The following HMCN2 variants were observed in gnomAD, a reference collection of about 807,000 sequenced individuals.
HMCN2 encodes hemicentin 2.
HMCN2 carries 325 observed loss-of-function variants against 377.5 expected under a neutral mutation model. That is an observed-to-expected ratio of 0.86 (90% confidence interval 0.79 to 0.94). The LOEUF is 0.94. Ranked by LOEUF, HMCN2 falls within the 40% of genes least tolerant of loss-of-function variation. The pLI is 0.00. For missense variants in HMCN2, 4,543 were observed against 4,725.3 expected, an observed-to-expected ratio of 0.96 and a Z score of 1.13; for synonymous variants, 2,007 against 2,046.8, an observed-to-expected ratio of 0.98 and a Z score of 0.53.
At chr9:130,329,187 C>T (rs1244819746) in intron 22 of HMCN2, among the ~76,000 whole-genome samples, 1 of 152,206 alleles carries the variant, frequency 6.6e-6, no homozygotes. Context: ...CAGCCCCTGA[C>T]AGCCACTGAT....
At chr9:130,358,564 T>G (rs1461857089) in intron 36 of HMCN2, 78 bp downstream of exon 36, 1 of 1,265,038 alleles carries the variant, frequency 7.9e-7, no homozygotes, top group Admixed American at 2.3e-5. Flanking sequence ...CTGAAGTGTG[T>G]GGCGAGGGAG....
Position 130,308,322 on chromosome 9 carries a change from C to A in HMCN2, c.2200+756C>A, listed in dbSNP as rs553387167. ...GTGCTTGGCATTCTTAGTGATAGTG[C>A]CGACGATAATGTGATTATCTGAAAA... On this transcript the variant is annotated intron_variant, in intron 14 of 97. Coordinates refer to ENST00000683500, the MANE Select transcript of HMCN2 (RefSeq NM_001291815.2). This position sits in a 1 kb window ranked among gnomAD's most constrained non-coding sequence, Gnocchi z 4.1. 4.6e-5 allele frequency among the ~76,000 whole-genome samples: 7 copies of A among 152,276 alleles called. No individual in the cohort carries two copies. The highest frequency in any genetic ancestry group is 1.3e-4 in the Admixed American group (2 of 15,298).
Position 130,393,151 on chromosome 9 carries a change from T to G in HMCN2, c.10137-61T>G. ...AGCCTCTCCTGTCTCTCTCCCTTTC[T>G]CTTCCTCTCTCTCTCTCCCTTTCTC... On this transcript the variant is annotated intron_variant, in intron 66 of 97. Coordinates refer to ENST00000683500, the MANE Select transcript of HMCN2 (RefSeq NM_001291815.2). The surrounding 1 kb of genome is among the most constrained non-coding windows in gnomAD (Gnocchi z 5.2). 1.0e-6 allele frequency: 1 copy of G among 952,526 alleles called. No individual in the cohort carries two copies. The highest frequency in any genetic ancestry group is 1.3e-6 in the Non-Finnish European group (1 of 797,898). The allele number at this position is 952,526 out of a possible 1,614,324, so 59.0% of individuals were successfully genotyped here. A position where few individuals can be genotyped will look rare whatever the true frequency, so the allele number is the denominator to read the frequency against.
chr9:130,401,537 G>C (rs966506962), intron 77 of HMCN2, among the ~76,000 whole-genome samples: 7 of 152,044 alleles, frequency 4.6e-5, no homozygotes, highest in African/African-American at 1.7e-4. Flanking sequence ...TGGCCAGGCT[G>C]GTCTTGAACT....
In HMCN2 at chr9:130,391,582, G is replaced by T; in HGVS notation, c.9952+8G>T. On this transcript the variant is annotated splice_region_variant and intron_variant, in intron 65 of 97. Transcript: ENST00000683500. Reference sequence around the variant, plus strand: ...ACACGGTGAATGTGCTGGGTGAGGAGCCCCAGGGCATCTGGAGGGTGATGC... The same window carrying T: ...ACACGGTGAATGTGCTGGGTGAGGATCCCCAGGGCATCTGGAGGGTGATGC... 1 of 986,814 alleles carries T rather than the reference G, an allele frequency of 1.0e-6. No homozygotes were observed. The highest frequency in any genetic ancestry group is 1.2e-6 in the Non-Finnish European group (1 of 830,142). 61.1% of individuals were successfully genotyped at this position (986,814 alleles called of 1,614,324 possible). A position where few individuals can be genotyped will look rare whatever the true frequency, so the allele number is the denominator to read the frequency against.
chr9:130,350,378 C>CAAAAAAAAAAAAAAAA (rs1448443171), intron 29 of HMCN2, among the ~76,000 whole-genome samples: 4 of 74,722 alleles, frequency 5.4e-5, no homozygotes, highest in Non-Finnish European at 7.6e-5. Flanking sequence ...GCTAAAAATA[C>CAAAAAAAAAAAAAAAA]AAAAAAATAC....
intron 1 of HMCN2, among the ~76,000 whole-genome samples, chr9:130,273,902 TA>T (rs142064188): frequency 1.2e-4 from 18 of 150,804 alleles, no homozygotes; most frequent in East Asian, 1.9e-4. Context: ...CTAATTTTAC[TA>T]AAAAAAAATA....
intron 1 of HMCN2, among the ~76,000 whole-genome samples, chr9:130,277,393 G>A (rs1554923507): frequency 6.6e-6 from 1 of 152,174 alleles, no homozygotes; most frequent in Admixed American, 6.5e-5. Flanking sequence ...ACAGGACAAG[G>A]GTCTGGGGAA....
rs1839509880 is a variant in HMCN2 at position 130,348,464 on chromosome 9, G to A, written c.4025-81G>A. Reference sequence around the variant, plus strand: ...TCTCCAACCCCAGTGACGAAGGGGAGGGAATGGCCCAGATGAGGTCCCTTC... The same window carrying A: ...TCTCCAACCCCAGTGACGAAGGGGAAGGAATGGCCCAGATGAGGTCCCTTC... On this transcript the variant is annotated intron_variant, in intron 26 of 97. Transcript: ENST00000683500. 10 of 1,253,420 alleles carry A rather than the reference G, an allele frequency of 8.0e-6. No individual in the cohort carries two copies. In the South Asian group the frequency reaches 1.3e-4, roughly 17 times the overall value. 77.6% of individuals were successfully genotyped at this position (1,253,420 alleles called of 1,614,324 possible). A position where few individuals can be genotyped will look rare whatever the true frequency, so the allele number is the denominator to read the frequency against.
Position 130,393,656 on chromosome 9 carries a change from C to T in HMCN2, c.10235-86C>T. 1 of 1,162,310 alleles carries T rather than the reference C, an allele frequency of 8.6e-7. No individual in the cohort carries two copies. The highest frequency in any genetic ancestry group is 1.1e-6 in the Non-Finnish European group (1 of 923,348). 72.0% of individuals were successfully genotyped at this position (1,162,310 alleles called of 1,614,324 possible). On this transcript the variant is annotated intron_variant, in intron 67 of 97. Transcript: ENST00000683500. This position sits in a 1 kb window ranked among gnomAD's most constrained non-coding sequence, Gnocchi z 5.2. ...TGGCCTTGGGGGACCAGGGCGGCTTCCTGGAAGAGGTGATGTCTAAGCTGA... is the reference window on the plus strand; with the variant it reads ...TGGCCTTGGGGGACCAGGGCGGCTTTCTGGAAGAGGTGATGTCTAAGCTGA...
Sources: gnomAD v4.1 joint callset for allele counts (sites outside exome capture counted in the v4.1 genomes callset) on GRCh38, gnomAD v4.1.1 for gene constraint, Gnocchi (gnomAD v3.1) non-coding constraint, MANE v1.5 for transcripts, NCBI Gene and HGNC (gene_info 2026-07-23, HGNC 2026-07-21) for gene names.